Variants in RUFY3 observed in about 807,000 individuals in gnomAD.
The protein encoded by RUFY3 is protein RUFY3.
Under a neutral mutation model 84.0 loss-of-function variants are expected in RUFY3, and 34 were observed. The ratio of observed to expected loss-of-function variants is 0.40; its 90% CI spans 0.31 to 0.54. The LOEUF is 0.54. Among genes scored for constraint, RUFY3 ranks in the 20% least tolerant of loss-of-function variants. The pLI is 0.39. For synonymous variants in RUFY3, 242 were observed against 252.9 expected (o/e 0.96, Z 0.41); for missense variants, 507 against 736.8 (o/e 0.69, Z 3.61).
At chr4:70,783,299 A>G (rs1729246695) in intron 9 of RUFY3, 116 bp downstream of exon 9, 1 of 668,486 alleles carries the variant, frequency 1.5e-6, no homozygotes, top group Non-Finnish European at 2.6e-6. Flanking sequence ...CACACTTTTT[A>G]TTTAGACTCC....
At chr4:70,806,002 G>A (rs949766444) in intron 17 of RUFY3, among the ~76,000 whole-genome samples, 1 of 152,210 alleles carries the variant, frequency 6.6e-6, no homozygotes, top group Non-Finnish European at 1.5e-5. Context: ...GCAGGAAGCT[G>A]TGCTCCTGCT....
chr4:70,761,746 A>G (rs1725070830), intron 1 of RUFY3, among the ~76,000 whole-genome samples: 1 of 152,232 alleles, frequency 6.6e-6, no homozygotes, highest in Non-Finnish European at 1.5e-5. Context: ...AAGACTTAAA[A>G]ATGTGGGAGT....
chr4:70,741,871 TA>T (rs1205149384), intron 1 of RUFY3, among the ~76,000 whole-genome samples: 7 of 152,244 alleles, frequency 4.6e-5, no homozygotes, highest in African/African-American at 1.7e-4. Flanking sequence ...TTTTGAAAGA[TA>T]TTTGCTGAAT....
intron 1 of RUFY3, among the ~76,000 whole-genome samples, chr4:70,760,783 A>G (rs1724904074): frequency 6.6e-6 from 1 of 152,228 alleles, no homozygotes; most frequent in Non-Finnish European, 1.5e-5. Flanking sequence ...TTGTTATGCA[A>G]GAAAGAATTA....
chr4:70,725,471 C>T (rs921213413), intron 1 of RUFY3, among the ~76,000 whole-genome samples: 1 of 152,034 alleles, frequency 6.6e-6, no homozygotes, highest in African/African-American at 2.4e-5. Context: ...GCTGGGATTA[C>T]AGGCATGCGC....
At chr4:70,781,719 C>G (rs1027659609) in intron 8 of RUFY3, among the ~76,000 whole-genome samples, 1 of 152,198 alleles carries the variant, frequency 6.6e-6, no homozygotes, top group Non-Finnish European at 1.5e-5. Context: ...GGCCTGCCCC[C>G]AGAAAGCATG....
chr4:70,783,001 C>T, intron 8 of RUFY3, 90 bp from the exon 9 acceptor site: 1 of 743,802 alleles, frequency 1.3e-6, no homozygotes, highest in Non-Finnish European at 2.2e-6. Context: ...ATATCCAAGC[C>T]TGAGAATTAC....
chr4:70,802,051 A>G (rs965154478), intron 15 of RUFY3, among the ~76,000 whole-genome samples: 2 of 152,236 alleles, frequency 1.3e-5, no homozygotes, highest in African/African-American at 4.8e-5. Context: ...AGTATTCCTT[A>G]CAAAAGTACC....
At chr4:70,733,389 G>T (rs890354029) in intron 1 of RUFY3, among the ~76,000 whole-genome samples, 2 of 152,166 alleles carry the variant, frequency 1.3e-5, no homozygotes, top group African/African-American at 4.8e-5. Context: ...GCCTCTGCTA[G>T]TGGGAATGTG....
Position 70,721,998 on chromosome 4 carries a change from C to T in RUFY3, c.-576C>T. On this transcript the variant is annotated 5_prime_UTR_variant, in exon 1 of 18. Coordinates refer to ENST00000381006, the MANE Select transcript of RUFY3 (RefSeq NM_001037442.4). ...GTCAGCCATTTTGGTCAACACCCTG[C>T]TTACTGCGCACGGCCAATCCTATGA... 1 of 1,232,188 alleles carries T rather than the reference C, an allele frequency of 8.1e-7. No individual in the cohort carries two copies. Among genetic ancestry groups the T allele is most frequent in the Non-Finnish European group, 1.0e-6 (1 of 987,980 alleles). 76.3% of individuals were successfully genotyped at this position (1,232,188 alleles called of 1,614,324 possible).
At chr4:70,769,969 GCAC>G (rs149441178) in intron 5 of RUFY3, among the ~76,000 whole-genome samples, 3,060 of 152,154 alleles carry the variant, frequency 0.02, 115 homozygotes, top group East Asian at 0.16. Flanking sequence ...CTACAGGCAT[GCAC>G]CACCACACCT....
At chr4:70,705,106 C>A in exon 1 of RUFY3, 2 of 1,420,558 alleles carry the variant, frequency 1.4e-6, no homozygotes, top group South Asian at 2.9e-5. Context: ...CAGTCGGAGC[C>A]CGACTCGCCG....
At chr4:70,705,030 C>T in exon 1 of RUFY3, 2 of 1,223,120 alleles carry the variant, frequency 1.6e-6, no homozygotes, top group South Asian at 3.8e-5. Flanking sequence ...GGAGCCGCGC[C>T]GCGCTCCCGC....
At chr4:70,803,096 A>C in intron 16 of RUFY3, 113 bp downstream of exon 16, 1 of 732,728 alleles carries the variant, frequency 1.4e-6, no homozygotes, top group Non-Finnish European at 2.3e-6. Flanking sequence ...ACAGTGTGCC[A>C]TCCTTCTAAC....
At position 70,737,128 on chromosome 4, in the gene RUFY3, G is replaced by A. The variant is rs1720442908; in HGVS notation, c.178+14377G>A. 1.3e-5 allele frequency among the ~76,000 whole-genome samples: 2 copies of A among 152,026 alleles called. 1 individual carries two copies. The highest frequency in any genetic ancestry group is 2.9e-5 in the Non-Finnish European group (2 of 68,014). On this transcript the variant is annotated intron_variant, in intron 1 of 17. Transcript: ENST00000381006. The stretch of plus-strand genomic sequence containing the variant: ...GTTTTGTCTTTCCTGCTTGCAGTTG[G>A]TTGCGTTTTTCTCATGCTGTATTAA...
Position 70,803,730 on chromosome 4 carries a change from C to CT in RUFY3, c.1651-608dup, listed in dbSNP as rs752153269. ...CCCTATGCTTGCCATTCTTTTTTTC[C>CT]TTTTTTTTTTGAGACAGAGTCTCAC... On this transcript the variant is annotated intron_variant, in intron 16 of 17. Coordinates refer to ENST00000381006, the MANE Select transcript of RUFY3 (RefSeq NM_001037442.4). 7.6e-3 allele frequency among the ~76,000 whole-genome samples: 1,097 copies of CT among 143,576 alleles called. 11 individuals carry two copies. Among genetic ancestry groups the CT allele is most frequent in the African/African-American group, 0.025 (982 of 39,168 alleles). 94.2% of individuals were successfully genotyped at this position (143,576 alleles called of 152,430 possible).
intron 1 of RUFY3, among the ~76,000 whole-genome samples, chr4:70,731,198 C>T (rs1004392184): frequency 5.3e-5 from 8 of 151,974 alleles, no homozygotes; most frequent in African/African-American, 1.2e-4. Context: ...CCACCATGCC[C>T]GGCTAATTTT....
chr4:70,708,393 C>T (rs1740590387), intron 1 of RUFY3, among the ~76,000 whole-genome samples: 1 of 151,902 alleles, frequency 6.6e-6, no homozygotes, highest in Non-Finnish European at 1.5e-5. Context: ...TCGAACTAGA[C>T]TCAAGTGATC....
At chr4:70,738,829 G>A (rs945233298) in intron 1 of RUFY3, among the ~76,000 whole-genome samples, 6 of 151,458 alleles carry the variant, frequency 4.0e-5, no homozygotes, top group African/African-American at 1.5e-4. Context: ...CTGGAGTGCC[G>A]TGGCATGATC....
Sources: allele counts gnomAD v4.1 joint callset (sites outside exome capture counted in the v4.1 genomes callset), GRCh38; gene constraint gnomAD v4.1.1; transcripts MANE v1.5; gene names NCBI Gene and HGNC (gene_info 2026-07-23, HGNC 2026-07-21).